PAN3: variants seen among roughly 807,000 people sequenced by gnomAD.
PAN3 encodes the protein poly(A) specific ribonuclease subunit PAN3, also known as PAN2-PAN3 deadenylation complex subunit PAN3.
PAN3 carries 19 observed loss-of-function variants against 96.2 expected under a neutral mutation model. That is an observed-to-expected ratio of 0.20 (90% CI 0.14 to 0.29). PAN3 has a LOEUF of 0.29. Among genes scored for constraint, PAN3 ranks in the 10% least tolerant of loss-of-function variants. PAN3 has a pLI of 1.00. For synonymous variants in PAN3, 433 were observed against 406.6 expected (o/e 1.06, Z -0.78); for missense variants, 882 against 1,108.1 (o/e 0.80, Z 2.90).
chr13:28,206,403 A>G (rs533451074), intron 5 of PAN3, among the ~76,000 whole-genome samples: 1 of 140,130 alleles, frequency 7.1e-6, no homozygotes, highest in East Asian at 2.1e-4. Flanking sequence ...GGCTTACTAT[A>G]GTGTCTGCCT....
chr13:28,181,746 T>C (rs1248343916), intron 4 of PAN3, among the ~76,000 whole-genome samples: 3 of 152,166 alleles, frequency 2.0e-5, no homozygotes, highest in Non-Finnish European at 4.4e-5. Flanking sequence ...TCTATAACAA[T>C]TTGATAATAC....
At chr13:28,272,929 A>C (rs1352166132) in intron 14 of PAN3, among the ~76,000 whole-genome samples, 1 of 152,208 alleles carries the variant, frequency 6.6e-6, no homozygotes, top group African/African-American at 2.4e-5. Context: ...GTGATTTAGG[A>C]AACGTGTCCT....
intron 1 of PAN3, among the ~76,000 whole-genome samples, chr13:28,151,283 AGGTG>A (rs1178001723): frequency 3.9e-5 from 6 of 152,176 alleles, no homozygotes; most frequent in African/African-American, 1.4e-4. Context: ...TGGGAGGCCG[AGGTG>A]GGCAGATCAC....
intron 9 of PAN3, 91 bp from the exon 10 acceptor site, chr13:28,266,624 G>T: frequency 2.0e-6 from 2 of 988,626 alleles, no homozygotes; most frequent in Non-Finnish European, 1.4e-6. Context: ...GATACACAAG[G>T]GGTTTATAGT....
intron 1 of PAN3, among the ~76,000 whole-genome samples, chr13:28,165,936 C>T (rs1873484539): frequency 6.6e-6 from 1 of 152,094 alleles, no homozygotes; most frequent in African/African-American, 2.4e-5. Context: ...ATCTAAAGGC[C>T]CCAATTCTCA....
At chr13:28,279,127 T>C (rs1021252093) in intron 15 of PAN3, among the ~76,000 whole-genome samples, 1 of 151,844 alleles carries the variant, frequency 6.6e-6, no homozygotes, top group African/African-American at 2.4e-5. Flanking sequence ...AGAGAATGGC[T>C]TTACGTATAG....
At chr13:28,190,947 T>C (rs1202530760) in intron 4 of PAN3, among the ~76,000 whole-genome samples, 1 of 152,216 alleles carries the variant, frequency 6.6e-6, no homozygotes, top group African/African-American at 2.4e-5. Flanking sequence ...ATCAATAGGA[T>C]GTGGCATTTT....
At chr13:28,264,382 T>C (rs967862738) in intron 9 of PAN3, among the ~76,000 whole-genome samples, 2 of 152,054 alleles carry the variant, frequency 1.3e-5, no homozygotes, top group Non-Finnish European at 2.9e-5. Flanking sequence ...CTACTAAAAA[T>C]ACAAAAATTA....
In PAN3 at chr13:28,295,213, C is replaced by A. The variant is rs1304149836; in HGVS notation, c.*2691C>A. ...TCTGTGATTTGGATGTCAACAACTT[C>A]CCTAAAAAGCACCAGTGTGTTAGGT... On this transcript the variant is annotated 3_prime_UTR_variant, in exon 19 of 19. Transcript: ENST00000380958. The A allele has an allele frequency of 6.6e-6, 1 of 152,138 alleles. No homozygotes were observed. The highest frequency in any genetic ancestry group is 6.5e-5 in the Admixed American group (1 of 15,270). The allele number at this position is 152,138 out of a possible 1,614,324, so 9.4% of individuals were successfully genotyped here.
At chr13:28,242,711 G>A (rs759065191) in intron 6 of PAN3, among the ~76,000 whole-genome samples, 20 of 152,152 alleles carry the variant, frequency 1.3e-4, no homozygotes, top group Non-Finnish European at 2.6e-4. Flanking sequence ...AAGCATCATG[G>A]TGTCTTCAGA....
intron 6 of PAN3, among the ~76,000 whole-genome samples, chr13:28,227,551 A>T (rs1482551468): frequency 6.6e-6 from 1 of 152,104 alleles, no homozygotes; most frequent in Non-Finnish European, 1.5e-5. Context: ...TGAAGCAGCT[A>T]TGTGATTTTC....
At chr13:28,242,422 G>A (rs1186237591) in intron 6 of PAN3, among the ~76,000 whole-genome samples, 2 of 152,084 alleles carry the variant, frequency 1.3e-5, no homozygotes, top group East Asian at 3.8e-4. Flanking sequence ...TCTACACAGT[G>A]TGCCATTTAC....
intron 5 of PAN3, among the ~76,000 whole-genome samples, chr13:28,210,442 T>C (rs1044189575): frequency 1.2e-4 from 19 of 152,190 alleles, no homozygotes; most frequent in African/African-American, 4.6e-4. Flanking sequence ...TACTAGTAAT[T>C]AGCTTTCTTC....
intron 1 of PAN3, among the ~76,000 whole-genome samples, chr13:28,143,296 G>A (rs1174220091): frequency 6.6e-6 from 1 of 152,014 alleles, no homozygotes; most frequent in African/African-American, 2.4e-5. Context: ...TTTTTCTAAG[G>A]CTTAAGAGTG....
At chr13:28,243,805 C>T (rs952604699) in intron 6 of PAN3, among the ~76,000 whole-genome samples, 4 of 152,170 alleles carry the variant, frequency 2.6e-5, no homozygotes, top group Admixed American at 6.5e-5. Flanking sequence ...TCTCCTGCCT[C>T]AGCCTCCTGA....
In PAN3 at chr13:28,288,103, TA is replaced by T; in HGVS notation, c.2506del (p.Ile836PhefsTer7). On this transcript the variant is annotated frameshift_variant, in exon 18 of 19. Transcript: ENST00000380958. LOFTEE classifies it high-confidence loss of function. ...GCTCCCTGGATTGACCTCAGTCATA[TA>T]ATTTCTTGTCTTAACAAGGTAATTT... ...AGAPWIDLSH[I>X]ISCLNKLDAG... 6.2e-7 allele frequency: 1 copy of T among 1,605,414 alleles called. No individual in the cohort carries two copies. The highest frequency in any genetic ancestry group is 1.1e-5 in the South Asian group (1 of 89,026).
chr13:28,239,750 A>G (rs1426664189), intron 6 of PAN3: 1 of 1,028,960 alleles, frequency 9.7e-7, no homozygotes, highest in African/African-American at 1.7e-5. Context: ...TAATTCCCCT[A>G]ATCATAAGGG....
chr13:28,152,727 G>T (rs569503964), intron 1 of PAN3, among the ~76,000 whole-genome samples: 26 of 151,594 alleles, frequency 1.7e-4, no homozygotes, highest in African/African-American at 5.9e-4. Context: ...TAAATGTCCC[G>T]TTTGAAAAAA....
In PAN3 at chr13:28,277,519, T is replaced by C. The variant is rs987806407; in HGVS notation, c.2189+143T>C. On this transcript the variant is annotated intron_variant, in intron 15 of 18. Transcript: ENST00000380958. ...TTATGTCTTTATTTTTATTGCAAAG[T>C]AAATATTTCTTAGATAAATTGATAA... is the stretch of plus-strand genomic sequence containing the variant. The C allele has an allele frequency of 3.6e-6, 3 of 837,294 alleles. No individual in the cohort carries two copies. In the African/African-American group the frequency reaches 5.3e-5, roughly 15 times the overall value. 51.9% of individuals were successfully genotyped at this position (837,294 alleles called of 1,614,324 possible). A position where few individuals can be genotyped will look rare whatever the true frequency, so the allele number is the denominator to read the frequency against.
Sources: gnomAD v4.1 joint callset for allele counts (sites outside exome capture counted in the v4.1 genomes callset) on GRCh38, gnomAD v4.1.1 for gene constraint, MANE v1.5 for transcripts, NCBI Gene and HGNC (gene_info 2026-07-23, HGNC 2026-07-21) for gene names.